CTTN: variants seen among roughly 807,000 people sequenced by gnomAD.
CTTN encodes cortactin.
A neutral mutation model predicts 84.0 loss-of-function variants in CTTN; 28 were observed. The ratio of observed to expected loss-of-function variants is 0.33; its 90% confidence interval spans 0.25 to 0.46. CTTN has a LOEUF of 0.46. CTTN is among the 20% of genes least tolerant of loss of function. CTTN has a pLI of 1.00. For missense variants in CTTN, 641 were observed against 723.8 expected (o/e 0.89, Z 1.31); for synonymous variants, 301 against 288.8 (o/e 1.04, Z -0.43).
Position 70,436,467 on chromosome 11 carries a change from AAT to A in CTTN, c.*1306_*1307del, listed in dbSNP as rs554975914. 2.5e-4 allele frequency: 381 copies of A among 1,504,602 alleles called. No homozygotes were observed. In the African/African-American group the frequency reaches 4.8e-3, roughly 19 times the overall value. 93.2% of individuals were successfully genotyped at this position (1,504,602 alleles called of 1,614,324 possible). A position where few individuals can be genotyped will look rare whatever the true frequency, so the allele number is the denominator to read the frequency against. ...TCATCCTTGCTTTACCACAATGAGC[AAT>A]GAGGTCGGGTTTTATATGCAACTTA... On this transcript the variant is annotated 3_prime_UTR_variant, in exon 18 of 18. Coordinates refer to ENST00000301843, the MANE Select transcript of CTTN (RefSeq NM_005231.4).
intron 13 of CTTN, among the ~76,000 whole-genome samples, chr11:70,427,936 C>G (rs976167589): frequency 6.6e-6 from 1 of 152,178 alleles, no homozygotes; most frequent in Non-Finnish European, 1.5e-5. Flanking sequence ...TTTCTTGACA[C>G]AATAGGCTTA....
chr11:70,424,999 G>A (rs887265108), intron 12 of CTTN, among the ~76,000 whole-genome samples: 6 of 152,142 alleles, frequency 3.9e-5, no homozygotes, highest in East Asian at 1.9e-4. Flanking sequence ...TGTCCCCAGC[G>A]TCTTCGCTTC....
intron 5 of CTTN, among the ~76,000 whole-genome samples, chr11:70,413,958 C>A (rs1008724498): frequency 6.6e-6 from 1 of 152,112 alleles, no homozygotes; most frequent in Non-Finnish European, 1.5e-5. Context: ...TCTTCATGCC[C>A]GGTCGTGTCA....
Position 70,420,653 on chromosome 11 carries a change from C to G in CTTN, c.790+143C>G, listed in dbSNP as rs1321489192. On this transcript the variant is annotated intron_variant, in intron 10 of 17. Coordinates refer to ENST00000301843, the MANE Select transcript of CTTN (RefSeq NM_005231.4). ...GTTTGAAGTTGTCCTGTGTGCCCCCCCAATCCCCCAGTTCCCTCCAGCTAG... is the reference window on the plus strand; with the variant it reads ...GTTTGAAGTTGTCCTGTGTGCCCCCGCAATCCCCCAGTTCCCTCCAGCTAG... 7.4e-6 allele frequency: 5 copies of G among 677,710 alleles called. 1 individual carries two copies. The highest frequency in any genetic ancestry group is 6.8e-4 in the Middle Eastern group (2 of 2,926). The allele number at this position is 677,710 out of a possible 1,614,324, so 42.0% of individuals were successfully genotyped here. A position where few individuals can be genotyped will look rare whatever the true frequency, so the allele number is the denominator to read the frequency against.
At chr11:70,402,853 T>G (rs2058002622) in intron 1 of CTTN, among the ~76,000 whole-genome samples, 1 of 152,156 alleles carries the variant, frequency 6.6e-6, no homozygotes, top group African/African-American at 2.4e-5. Flanking sequence ...AGGAGTGGAG[T>G]TGCTGAGTCA....
intron 5 of CTTN, among the ~76,000 whole-genome samples, chr11:70,414,044 C>T (rs1400732921): frequency 6.6e-6 from 1 of 152,158 alleles, no homozygotes; most frequent in Non-Finnish European, 1.5e-5. Flanking sequence ...CTGGGGTGGG[C>T]CGTGAAAGCC....
intron 1 of CTTN, among the ~76,000 whole-genome samples, chr11:70,402,719 G>C (rs2058001078): frequency 6.6e-6 from 1 of 152,224 alleles, no homozygotes; most frequent in South Asian, 2.1e-4. Flanking sequence ...CACATGTTAT[G>C]TATCTATCAG....
chr11:70,410,564 C>G (rs909320263), intron 5 of CTTN: 1 of 152,496 alleles, frequency 6.6e-6, no homozygotes, highest in Admixed American at 6.5e-5. Context: ...AGGACGTTGG[C>G]CAAATGCATC....
intron 12 of CTTN, 26 bp from the exon 13 acceptor site, chr11:70,425,306 C>T (rs1008604993): frequency 1.9e-6 from 3 of 1,596,470 alleles, no homozygotes; most frequent in Admixed American, 1.7e-5. Flanking sequence ...AAGTGCTCTC[C>T]TGACGCCCAT....
At chr11:70,411,619 A>G (rs999625587) in intron 5 of CTTN, among the ~76,000 whole-genome samples, 6 of 152,196 alleles carry the variant, frequency 3.9e-5, no homozygotes, top group African/African-American at 7.2e-5. Flanking sequence ...ATATTGGGGA[A>G]AAGAAAGGCA....
chr11:70,421,702 C>T (rs2058238478), intron 11 of CTTN, 122 bp downstream of exon 11: 2 of 713,026 alleles, frequency 2.8e-6, no homozygotes, highest in African/African-American at 3.5e-5. Flanking sequence ...CACTTGTCAG[C>T]TGTCAGGCTG....
At chr11:70,428,986 G>C in intron 13 of CTTN, 65 bp from the exon 14 acceptor site, 2 of 1,586,162 alleles carry the variant, frequency 1.3e-6, no homozygotes, top group South Asian at 1.1e-5. Context: ...TGTGGGTGGG[G>C]CTGTTGTCCA....
At chr11:70,422,444 GT>G in intron 11 of CTTN, 1 of 1,175,818 alleles carries the variant, frequency 8.5e-7, no homozygotes, top group Non-Finnish European at 1.1e-6. Context: ...GTGGATCTGT[GT>G]TGCTGCAACG....
At chr11:70,418,533 T>C (rs1244302409) in intron 8 of CTTN, among the ~76,000 whole-genome samples, 1 of 152,190 alleles carries the variant, frequency 6.6e-6, no homozygotes, top group African/African-American at 2.4e-5. Context: ...GAGAGAGTCA[T>C]GTTTTGGTGT....
chr11:70,427,834 G>C (rs2058316051), intron 13 of CTTN, among the ~76,000 whole-genome samples: 1 of 152,246 alleles, frequency 6.6e-6, no homozygotes, highest in South Asian at 2.1e-4. Flanking sequence ...GTGGAAATCA[G>C]CATGTTCATG....
At position 70,436,047 on chromosome 11, in the gene CTTN, A is replaced by G. The variant is rs2058414312; in HGVS notation, c.*885A>G. 40 of 1,423,956 alleles carry G rather than the reference A, an allele frequency of 2.8e-5. No homozygotes were observed. Among genetic ancestry groups the G allele is most frequent in the Non-Finnish European group, 3.7e-5 (40 of 1,094,930 alleles). The allele number at this position is 1,423,956 out of a possible 1,614,324, so 88.2% of individuals were successfully genotyped here. On this transcript the variant is annotated 3_prime_UTR_variant, in exon 18 of 18. Transcript: ENST00000301843. ...GGCGGTGTGTGTGCCATGTCACAGC[A>G]TGGCCTCTCGGCCTTGGGAAGGAAG... is the stretch of plus-strand genomic sequence containing the variant.
At chr11:70,414,154 G>A (rs2058128918) in intron 5 of CTTN, among the ~76,000 whole-genome samples, 1 of 152,176 alleles carries the variant, frequency 6.6e-6, no homozygotes, top group Admixed American at 6.5e-5. Flanking sequence ...GACCATCCTG[G>A]CTAACACGGT....
chr11:70,399,266 T>A (rs557189768), intron 1 of CTTN, among the ~76,000 whole-genome samples: 1 of 39,350 alleles, frequency 2.5e-5, no homozygotes, highest in East Asian at 6.8e-4. Flanking sequence ...GCTACTGGGA[T>A]GGGGTCCGAG....
intron 7 of CTTN, chr11:70,416,046 G>A (rs1356357010): frequency 3.2e-6 from 1 of 309,110 alleles, no homozygotes; most frequent in Admixed American, 4.6e-5. Flanking sequence ...CTGGAAAAGA[G>A]AGCTCACAGA....
Sources: gnomAD v4.1 joint callset for allele counts (sites outside exome capture counted in the v4.1 genomes callset) on GRCh38, gnomAD v4.1.1 for gene constraint, MANE v1.5 for transcripts, NCBI Gene and HGNC (gene_info 2026-07-23, HGNC 2026-07-21) for gene names.